The following MTHFD1L variants were observed in gnomAD, a reference collection of about 807,000 sequenced individuals.
MTHFD1L encodes the protein methylenetetrahydrofolate dehydrogenase (NADP+ dependent) 1 like.
MTHFD1L carries 81 observed loss-of-function variants against 119.5 expected under a neutral mutation model. That is an observed-to-expected ratio of 0.68 (90% CI 0.57 to 0.82). MTHFD1L has a LOEUF of 0.82. MTHFD1L is among the 40% of genes least tolerant of loss of function. The pLI, the probability that MTHFD1L is intolerant of heterozygous loss-of-function variation, is 0.00. For synonymous variants in MTHFD1L, 430 were observed against 475.2 expected (o/e 0.90, Z 1.24); for missense variants, 1,125 against 1,253.4 (o/e 0.90, Z 1.55).
At chr6:151,048,033 A>G (rs1788376150) in intron 26 of MTHFD1L, among the ~76,000 whole-genome samples, 1 of 152,140 alleles carries the variant, frequency 6.6e-6, no homozygotes, top group Non-Finnish European at 1.5e-5. Context: ...ACCAGATCTC[A>G]TGAGAACTCA....
intron 24 of MTHFD1L, among the ~76,000 whole-genome samples, chr6:151,016,949 T>G (rs1330869262): frequency 6.6e-6 from 1 of 151,524 alleles, no homozygotes; most frequent in Non-Finnish European, 1.5e-5. Context: ...ATTTCTTTTT[T>G]ATTTTAGTAG....
chr6:150,958,190 A>G (rs942076123), intron 17 of MTHFD1L, among the ~76,000 whole-genome samples: 1 of 152,196 alleles, frequency 6.6e-6, no homozygotes, highest in Admixed American at 6.5e-5. Flanking sequence ...TAGTGTATTT[A>G]AGAGCTTTAA....
intron 16 of MTHFD1L, among the ~76,000 whole-genome samples, chr6:150,953,902 T>C (rs1256018435): frequency 6.6e-6 from 1 of 152,192 alleles, no homozygotes; most frequent in Non-Finnish European, 1.5e-5. Flanking sequence ...AGAACAGTGG[T>C]GGCTGAGGAT....
chr6:150,905,587 G>T, intron 7 of MTHFD1L, 63 bp from the exon 8 acceptor site: 1 of 1,158,046 alleles, frequency 8.6e-7, no homozygotes, highest in Non-Finnish European at 1.3e-6. Context: ...TTTGACATCA[G>T]TAGTTACTTG....
At chr6:150,937,084 C>T (rs1331044688) in intron 12 of MTHFD1L, 144 bp downstream of exon 12, 23 of 1,045,730 alleles carry the variant, frequency 2.2e-5, no homozygotes, top group Non-Finnish European at 2.8e-5. Flanking sequence ...ACATAGTGGT[C>T]GCCCCATGTT....
intron 25 of MTHFD1L, among the ~76,000 whole-genome samples, chr6:151,035,015 A>T (rs1252397452): frequency 6.6e-6 from 1 of 152,000 alleles, no homozygotes; most frequent in Non-Finnish European, 1.5e-5. Context: ...GCGTGGTGCC[A>T]GGGTAGGCAG....
chr6:150,996,489 C>G (rs1367863426), intron 20 of MTHFD1L, among the ~76,000 whole-genome samples: 1 of 152,154 alleles, frequency 6.6e-6, no homozygotes, highest in Non-Finnish European at 1.5e-5. Flanking sequence ...TTCTTAACAT[C>G]AGCAGCAGCA....
intron 13 of MTHFD1L, among the ~76,000 whole-genome samples, chr6:150,944,003 C>G (rs188675041): frequency 2.6e-4 from 39 of 152,204 alleles, no homozygotes. Context: ...TTAAATGCAT[C>G]AGAATGTTTT....
rs149449398 is a variant in MTHFD1L, at chr6:150,871,495, C to CTTTT, written c.228-4574_228-4571dup. Among the ~76,000 whole-genome samples the CTTTT allele has an allele frequency of 5.8e-4, 59 of 102,138 alleles. 2 individuals carry two copies. Among genetic ancestry groups the CTTTT allele is most frequent in the African/African-American group, 1.1e-3 (29 of 27,014 alleles). 67.0% of individuals were successfully genotyped at this position (102,138 alleles called of 152,430 possible). ...AGTACTTGATATCAACTACTGTAAT[C>CTTTT]TTTTTTTTTTTTTTTTTTTTTTTTG... On this transcript the variant is annotated intron_variant, in intron 1 of 27. Coordinates refer to ENST00000367321, the MANE Select transcript of MTHFD1L (RefSeq NM_015440.5).
Position 150,926,105 on chromosome 6 carries a change from A to ATTGTCTTTCCCC in MTHFD1L, c.1083-15_1083-4dup. On this transcript the variant is annotated splice_polypyrimidine_tract_variant and intron_variant, in intron 10 of 27. Transcript: ENST00000367321. This position sits in a 1 kb window ranked among gnomAD's most constrained non-coding sequence, Gnocchi z 4.3. ...CTGAGAAGCCTTTTCTCTCTTTCGT[A>ATTGTCTTTCCCC]TTGTCTTTCCCCTCAGTGACATTGA... is the stretch of plus-strand genomic sequence containing the variant. 1 of 1,604,870 alleles carries ATTGTCTTTCCCC rather than the reference A, an allele frequency of 6.2e-7. No individual in the cohort carries two copies. Among genetic ancestry groups the ATTGTCTTTCCCC allele is most frequent in the Non-Finnish European group, 8.5e-7 (1 of 1,173,566 alleles).
At chr6:151,063,088 T>G (rs1443430505) in intron 26 of MTHFD1L, among the ~76,000 whole-genome samples, 3 of 152,172 alleles carry the variant, frequency 2.0e-5, no homozygotes, top group Non-Finnish European at 4.4e-5. Flanking sequence ...GTGATTTGGC[T>G]TTGGTCTTTG....
rs138249315 is a variant in MTHFD1L at position 150,945,474 on chromosome 6, A to G, written c.1556A>G (p.Tyr519Cys). The G allele has an allele frequency of 1.2e-4, 197 of 1,613,658 alleles. No individual in the cohort carries two copies. Among genetic ancestry groups the G allele is most frequent in the Non-Finnish European group, 1.6e-4 (185 of 1,179,926 alleles). The change falls in exon 15 of 28, where the codon TAT becomes TGT. Residue 519 changes from tyrosine (Y) to cysteine (C), a missense_variant. By Grantham distance (194) the Tyr-to-Cys change is radical. Coordinates refer to ENST00000367321, the MANE Select transcript of MTHFD1L (RefSeq NM_015440.5). ...HENTQTDKAL[Y>C]NRLVPLVNGV... is the part of the protein sequence containing the mutation. ...TTTGTTTTGTGTTTTTAGGCTCTGT[A>G]TAATCGGCTGGTTCCTTTAGTGAAT...
At chr6:150,982,408 C>T (rs967210540) in intron 20 of MTHFD1L, among the ~76,000 whole-genome samples, 15 of 152,260 alleles carry the variant, frequency 9.9e-5, no homozygotes, top group Middle Eastern at 3.4e-3. Flanking sequence ...GCCTTCTGTG[C>T]GTGCATGTAG....
intron 9 of MTHFD1L, 114 bp downstream of exon 9, chr6:150,918,782 A>G: frequency 2.5e-6 from 2 of 794,424 alleles, no homozygotes; most frequent in Non-Finnish European, 4.3e-6. Context: ...CTTCACACAC[A>G]GTGTTAGGCC....
rs756128526 is a variant in MTHFD1L, at chr6:150,936,920, G to C, written c.1373G>C (p.Gly458Ala). Residue 458 changes from glycine to alanine, a missense_variant, in exon 12 of 28, where the codon GGA becomes GCA. Transcript: ENST00000367321. ...GCCTGCTTGAGGCAGCCTTCCCAAGGACCGACGTTTGGAGTGAAAGGTACT... is the reference window on the plus strand; with the variant it reads ...GCCTGCTTGAGGCAGCCTTCCCAAGCACCGACGTTTGGAGTGAAAGGTACT... ...SFACLRQPSQ[G>A]PTFGVKGGAA... The C allele has an allele frequency of 6.2e-7, 1 of 1,614,142 alleles. No individual in the cohort carries two copies. Among genetic ancestry groups the C allele is most frequent in the Non-Finnish European group, 8.5e-7 (1 of 1,180,020 alleles).
In MTHFD1L at chr6:150,938,007, TTTTTTG is replaced by T. The variant is rs963661820; in HGVS notation, c.1394-669_1394-664del. ...TCATTTGAGGTGGTTATGCGGTGGTTTTTTTGTTTTTGTTTTTGTTTTTGTTTTGAG... is the reference window on the plus strand; with the variant it reads ...TCATTTGAGGTGGTTATGCGGTGGTTTTTTTGTTTTTGTTTTTGTTTTGAG... On this transcript the variant is annotated intron_variant, in intron 12 of 27. Transcript: ENST00000367321. Among the ~76,000 whole-genome samples, 14 of 152,042 alleles carry T rather than the reference TTTTTTG, an allele frequency of 9.2e-5. No individual in the cohort carries two copies. In the South Asian group the frequency reaches 1.5e-3, roughly 16 times the overall value.
In MTHFD1L at chr6:150,985,678, AAAAG is replaced by A. The variant is rs1375522909; in HGVS notation, c.2125+13632_2125+13635del. ...TCTGTCTCAAAAAAAAAAAAAAAAAAAAAGAAAGAAAGAAAAAGAAAACTCTCCT... is the reference window on the plus strand; with the variant it reads ...TCTGTCTCAAAAAAAAAAAAAAAAAAAAAGAAAGAAAAAGAAAACTCTCCT... On this transcript the variant is annotated intron_variant, in intron 20 of 27. Transcript: ENST00000367321. 1.2e-3 allele frequency among the ~76,000 whole-genome samples: 174 copies of A among 151,118 alleles called. 2 individuals are homozygous for A. The highest frequency in any genetic ancestry group is 3.9e-3 in the African/African-American group (162 of 41,178).
chr6:151,041,241 C>T (rs910615546), intron 26 of MTHFD1L, among the ~76,000 whole-genome samples: 1 of 152,202 alleles, frequency 6.6e-6, no homozygotes, highest in Non-Finnish European at 1.5e-5. Context: ...GTGGGACACA[C>T]GCACCAGAGG....
Position 150,873,292 on chromosome 6 carries a change from A to C in MTHFD1L, c.228-2798A>C, listed in dbSNP as rs140954294. 4.4e-3 allele frequency among the ~76,000 whole-genome samples: 671 copies of C among 152,188 alleles called. 4 individuals are homozygous for C. Among genetic ancestry groups the C allele is most frequent in the African/African-American group, 0.015 (637 of 41,550 alleles). ...ATCGTGCCACTGCCCTCCAGCCTGGAAACAAAGTGAGACTCCGTCTCAAAA... is the reference window on the plus strand; with the variant it reads ...ATCGTGCCACTGCCCTCCAGCCTGGCAACAAAGTGAGACTCCGTCTCAAAA... On this transcript the variant is annotated intron_variant, in intron 1 of 27. Transcript: ENST00000367321.
Sources: allele counts gnomAD v4.1 joint callset (sites outside exome capture counted in the v4.1 genomes callset), GRCh38; gene constraint gnomAD v4.1.1; non-coding constraint Gnocchi (gnomAD v3.1); transcripts MANE v1.5; gene names NCBI Gene and HGNC (gene_info 2026-07-23, HGNC 2026-07-21).